SSPN: variants seen among roughly 807,000 people sequenced by gnomAD.
SSPN encodes the protein sarcospan, also known as K-ras oncogene-associated protein.
SSPN carries 15 observed loss-of-function variants against 19.1 expected under a neutral mutation model. The observed-to-expected ratio is 0.78, with a 90% confidence interval of 0.52 to 1.21. The LOEUF (loss-of-function observed/expected upper bound fraction) is 1.21. Ranked by LOEUF, SSPN falls within the 50% of genes most tolerant of loss-of-function variation. The probability of loss-of-function intolerance (pLI) is 0.00; values close to 1 mark genes in which losing one functional copy is unlikely to be tolerated. For missense variants in SSPN, 291 were observed against 314.0 expected (o/e 0.93, Z 0.55); for synonymous variants, 147 against 140.3 (o/e 1.05, Z -0.34).
At position 26,224,347 on chromosome 12, in the gene SSPN, G is replaced by A; in HGVS notation, c.334G>A (p.Asp112Asn). 1 of 1,613,922 alleles carries A rather than the reference G, an allele frequency of 6.2e-7. No individual in the cohort carries two copies. Among genetic ancestry groups the A allele is most frequent in the Non-Finnish European group, 8.5e-7 (1 of 1,179,858 alleles). The change falls in exon 2 of 3, where the codon GAC becomes AAC. Residue 112 changes from aspartate (D) to asparagine (N), a missense_variant. Transcript: ENST00000242729. ...LFMLCVSYQV[D>N]ERTCIQFSMK... The stretch of plus-strand genomic sequence containing the variant: ...TATGCTTTGTGTCTCATATCAGGTT[G>A]ACGAACGGACATGTATTCAATTTTC...
chr12:26,135,893 C>A (rs1338277868), intron 1 of SSPN, among the ~76,000 whole-genome samples: 4 of 152,108 alleles, frequency 2.6e-5, no homozygotes, highest in Admixed American at 6.5e-5. Context: ...TTTTCCTAGG[C>A]TTTTTATTCT....
chr12:26,149,139 T>G (rs1422105094), intron 1 of SSPN, among the ~76,000 whole-genome samples: 1 of 152,220 alleles, frequency 6.6e-6, no homozygotes. Context: ...CCTGATGCAA[T>G]AGATTTGATG....
intron 1 of SSPN, among the ~76,000 whole-genome samples, chr12:26,186,062 A>T (rs556917688): frequency 1.5e-4 from 23 of 152,344 alleles, no homozygotes; most frequent in Admixed American, 1.3e-4. Context: ...ATGAAAAGGC[A>T]AAAGTTAGTC....
intron 1 of SSPN, among the ~76,000 whole-genome samples, chr12:26,201,018 T>TATA (rs1237670401): frequency 6.9e-5 from 3 of 43,454 alleles, no homozygotes; most frequent in African/African-American, 2.6e-4. Flanking sequence ...TGTGTATATA[T>TATA]ATATATATAT....
At chr12:26,218,246 T>A (rs1389807593) in intron 1 of SSPN, among the ~76,000 whole-genome samples, 2 of 119,862 alleles carry the variant, frequency 1.7e-5, no homozygotes, top group Non-Finnish European at 1.7e-5. Flanking sequence ...ATATTCTCAC[T>A]CATAGGTGGG....
intron 1 of SSPN, among the ~76,000 whole-genome samples, chr12:26,135,793 C>T (rs1944421824): frequency 6.6e-6 from 1 of 152,236 alleles, no homozygotes; most frequent in South Asian, 2.1e-4. Flanking sequence ...TCTGAGTTCA[C>T]ACCTGCTCAA....
At chr12:26,124,294 A>G in intron 1 of SSPN, 1 of 664,778 alleles carries the variant, frequency 1.5e-6, no homozygotes. Context: ...TATGTGATAA[A>G]CTACACCCAA....
At chr12:26,174,140 A>C (rs1000006207) in intron 1 of SSPN, among the ~76,000 whole-genome samples, 3 of 152,194 alleles carry the variant, frequency 2.0e-5, no homozygotes, top group Non-Finnish European at 2.9e-5. Context: ...AAGGTGAAAA[A>C]TAAATCAGGA....
intron 2 of SSPN, 82 bp downstream of exon 2, chr12:26,224,461 G>A (rs1157599195): frequency 1.3e-5 from 15 of 1,186,980 alleles, no homozygotes; most frequent in African/African-American, 3.0e-5. Context: ...TTCTTAAGGG[G>A]TTGCATATCT....
chr12:26,204,991 T>C (rs1055352243), intron 1 of SSPN, among the ~76,000 whole-genome samples: 5 of 152,200 alleles, frequency 3.3e-5, no homozygotes, highest in African/African-American at 9.7e-5. Flanking sequence ...CGGTCCCTAA[T>C]TGTGAATTTC....
intron 1 of SSPN, chr12:26,122,394 T>G: frequency 8.0e-7 from 1 of 1,248,066 alleles, no homozygotes; most frequent in African/African-American, 1.6e-5. Context: ...GTACAGATAC[T>G]TCTCCAGGCC....
intron 1 of SSPN, among the ~76,000 whole-genome samples, chr12:26,167,912 A>T (rs187193456): frequency 2.6e-5 from 4 of 152,290 alleles, no homozygotes; most frequent in Admixed American, 1.3e-4. Flanking sequence ...ACATAGAAGG[A>T]TGAAATTAAT....
At chr12:26,171,307 T>C (rs1944652143) in intron 1 of SSPN, among the ~76,000 whole-genome samples, 1 of 152,228 alleles carries the variant, frequency 6.6e-6, no homozygotes, top group East Asian at 1.9e-4. Flanking sequence ...ATTTTCCTAA[T>C]AGTTTTGGTT....
At position 26,124,283 on chromosome 12, in the gene SSPN, C is replaced by T. The variant is rs1313589232; in HGVS notation, c.-31+2131C>T. 7 of 689,434 alleles carry T rather than the reference C, an allele frequency of 1.0e-5. No homozygotes were observed. In the African/African-American group the frequency reaches 1.3e-4, roughly 12 times the overall value. The allele number at this position is 689,434 out of a possible 1,614,324, so 42.7% of individuals were successfully genotyped here. On this transcript the variant is annotated intron_variant, in intron 1 of 2. Transcript: ENST00000538142. ...CCCCGCCCCCCCACCATAAAACATA[C>T]TATGTGATAAACTACACCCAAGAAA...
chr12:26,127,719 A>T (rs1391453773), intron 1 of SSPN, among the ~76,000 whole-genome samples: 1 of 151,668 alleles, frequency 6.6e-6, no homozygotes, highest in Non-Finnish European at 1.5e-5. Context: ...TAGTTCTGTC[A>T]ATCTCCTGTT....
At chr12:26,181,296 T>C (rs1213304893) in intron 1 of SSPN, 1 of 152,210 alleles carries the variant, frequency 6.6e-6, no homozygotes, top group Non-Finnish European at 1.5e-5. Flanking sequence ...TTGATCCACT[T>C]CTGTCTTTAT....
At chr12:26,171,369 A>G (rs1268082628) in intron 1 of SSPN, among the ~76,000 whole-genome samples, 4 of 152,208 alleles carry the variant, frequency 2.6e-5, no homozygotes, top group East Asian at 1.9e-4. Flanking sequence ...CTGTTGAACA[A>G]CCGTTCTCAA....
rs10547333 is a variant in SSPN at position 26,233,331 on chromosome 12, G to GATATATATATAT, written c.*2263_*2274dup. On this transcript the variant is annotated 3_prime_UTR_variant, in exon 3 of 3. Transcript: ENST00000242729. The surrounding 1 kb of genome is among the most constrained non-coding windows in gnomAD (Gnocchi z 4.3). ...CTTTATAATAGTATAACCGTCAGGA[G>GATATATATATAT]ATATATATATATATATATACACATA... 26 of 144,742 alleles carry GATATATATATAT rather than the reference G, an allele frequency of 1.8e-4. No homozygotes were observed. The highest frequency in any genetic ancestry group is 3.5e-3 in the Middle Eastern group (1 of 288). The allele number at this position is 144,742 out of a possible 1,614,324, so 9.0% of individuals were successfully genotyped here.
intron 1 of SSPN, among the ~76,000 whole-genome samples, chr12:26,157,027 G>T (rs1944559842): frequency 2.0e-5 from 3 of 152,176 alleles, no homozygotes; most frequent in African/African-American, 7.2e-5. Context: ...TGGGGGAAAA[G>T]GTTTAGAGCA....
Sources: allele counts gnomAD v4.1 joint callset (sites outside exome capture counted in the v4.1 genomes callset), GRCh38; gene constraint gnomAD v4.1.1; non-coding constraint Gnocchi (gnomAD v3.1); transcripts MANE v1.5; gene names NCBI Gene and HGNC (gene_info 2026-07-23, HGNC 2026-07-21).